GRID1: variants seen among roughly 807,000 people sequenced by gnomAD.
GRID1 encodes the protein glutamate ionotropic receptor delta type subunit 1, also known as glutamate receptor ionotropic, delta-1.
Under a neutral mutation model 98.0 loss-of-function variants are expected in GRID1, and 28 were observed. The observed-to-expected ratio is 0.29, with a 90% confidence interval of 0.21 to 0.39. The LOEUF (loss-of-function observed/expected upper bound fraction) is 0.39, where lower values mean the gene tolerates loss of function less well. Among genes scored for constraint, GRID1 ranks in the 10% least tolerant of loss-of-function variants. The pLI is 1.00. For missense variants in GRID1, 1,111 were observed against 1,340.5 expected, an observed-to-expected ratio of 0.83 and a Z score of 2.67; for synonymous variants, 553 against 538.5, an observed-to-expected ratio of 1.03 and a Z score of -0.37.
intron 4 of GRID1, among the ~76,000 whole-genome samples, chr10:86,107,886 G>C (rs1844415762): frequency 6.6e-6 from 1 of 152,094 alleles, no homozygotes; most frequent in Non-Finnish European, 1.5e-5. Flanking sequence ...CTCCCTTCTT[G>C]CTCCCCCATC....
At chr10:86,324,084 C>A (rs1848009221) in intron 2 of GRID1, among the ~76,000 whole-genome samples, 1 of 151,950 alleles carries the variant, frequency 6.6e-6, no homozygotes, top group African/African-American at 2.4e-5. Flanking sequence ...GAGGCTTAGG[C>A]AGGAGAATCG....
chr10:85,923,334 T>A (rs940417496), intron 4 of GRID1, among the ~76,000 whole-genome samples: 1 of 152,166 alleles, frequency 6.6e-6, no homozygotes, highest in African/African-American at 2.4e-5. Context: ...AGGAAAGCCA[T>A]CTGAGAAAGC....
At chr10:86,286,684 G>A (rs1180106053) in intron 2 of GRID1, among the ~76,000 whole-genome samples, 1 of 152,244 alleles carries the variant, frequency 6.6e-6, no homozygotes, top group African/African-American at 2.4e-5. Context: ...GCCCTGCCAT[G>A]TGACCGTGAG....
chr10:85,829,654 C>G (rs547264731), intron 8 of GRID1, among the ~76,000 whole-genome samples: 1 of 152,106 alleles, frequency 6.6e-6, no homozygotes, highest in East Asian at 1.9e-4. Flanking sequence ...TATACAACAA[C>G]AATGTCCAAG....
chr10:85,840,965 C>A (rs1842955868), intron 8 of GRID1, among the ~76,000 whole-genome samples: 1 of 152,162 alleles, frequency 6.6e-6, no homozygotes, highest in African/African-American at 2.4e-5. Context: ...TATTGAGATT[C>A]TTCACAGAAC....
intron 12 of GRID1, among the ~76,000 whole-genome samples, chr10:85,652,101 ACT>A (rs1843278948): frequency 6.6e-6 from 1 of 152,122 alleles, no homozygotes; most frequent in Non-Finnish European, 1.5e-5. Context: ...CTCTGAGAAC[ACT>A]GTCCTCTAAT....
At chr10:85,688,604 A>G (rs1202071782) in intron 12 of GRID1, among the ~76,000 whole-genome samples, 2 of 152,098 alleles carry the variant, frequency 1.3e-5, no homozygotes, top group Non-Finnish European at 2.9e-5. Flanking sequence ...CAAAGAGGAG[A>G]CTTTGAGGCA....
intron 5 of GRID1, among the ~76,000 whole-genome samples, chr10:85,896,205 G>A (rs1841292424): frequency 6.6e-6 from 1 of 152,106 alleles, no homozygotes. Flanking sequence ...TAGTTAACAG[G>A]AAGTTCTGTC....
At chr10:86,295,382 C>T (rs1286556045) in intron 2 of GRID1, among the ~76,000 whole-genome samples, 1 of 152,142 alleles carries the variant, frequency 6.6e-6, no homozygotes, top group Non-Finnish European at 1.5e-5. Context: ...AAGGAAAGGG[C>T]GTCTCAGACA....
At chr10:85,958,686 G>C (rs1444253041) in intron 4 of GRID1, among the ~76,000 whole-genome samples, 1 of 152,172 alleles carries the variant, frequency 6.6e-6, no homozygotes, top group Non-Finnish European at 1.5e-5. Flanking sequence ...GTCCAGGCGT[G>C]GTGGCTCACA....
intron 4 of GRID1, among the ~76,000 whole-genome samples, chr10:86,054,150 T>C (rs1046439221): frequency 5.3e-5 from 8 of 151,878 alleles, no homozygotes; most frequent in South Asian, 2.1e-4. Flanking sequence ...CCAGAAGTGT[T>C]ATCATCCCAG....
At chr10:85,910,798 T>A (rs1194269797) in intron 5 of GRID1, among the ~76,000 whole-genome samples, 1 of 152,188 alleles carries the variant, frequency 6.6e-6, no homozygotes, top group African/African-American at 2.4e-5. Flanking sequence ...TGTGCATCAA[T>A]TCCCCAACAC....
intron 8 of GRID1, among the ~76,000 whole-genome samples, chr10:85,795,891 A>T (rs1308615817): frequency 6.6e-6 from 1 of 152,366 alleles, no homozygotes; most frequent in East Asian, 1.9e-4. Flanking sequence ...ACTGTTATGA[A>T]GAACTGAAGG....
intron 8 of GRID1, among the ~76,000 whole-genome samples, chr10:85,782,379 A>G (rs1842389406): frequency 6.6e-6 from 1 of 152,256 alleles, no homozygotes; most frequent in African/African-American, 2.4e-5. Context: ...GCTTGAAAAC[A>G]GAATTTCTTC....
intron 8 of GRID1, among the ~76,000 whole-genome samples, chr10:85,798,681 C>A (rs1842547405): frequency 6.6e-6 from 1 of 151,860 alleles, no homozygotes; most frequent in Non-Finnish European, 1.5e-5. Flanking sequence ...ATATTAAGAT[C>A]TCTTGTTCAT....
intron 12 of GRID1, among the ~76,000 whole-genome samples, chr10:85,664,651 G>A (rs1462106408): frequency 2.0e-5 from 3 of 152,142 alleles, no homozygotes; most frequent in Non-Finnish European, 4.4e-5. Context: ...CCTTGGAAGT[G>A]GCAGTGGCAG....
chr10:85,852,407 G>A (rs1441625594), intron 8 of GRID1, among the ~76,000 whole-genome samples: 1 of 152,124 alleles, frequency 6.6e-6, no homozygotes, highest in Non-Finnish European at 1.5e-5. Context: ...AGGAAGTGGA[G>A]GACATAGTGC....
At chr10:85,611,115 T>G (rs2132511300) in intron 15 of GRID1, among the ~76,000 whole-genome samples, 1 of 152,346 alleles carries the variant, frequency 6.6e-6, no homozygotes, top group Non-Finnish European at 1.5e-5. Flanking sequence ...GGTTATCCCT[T>G]GGTCTCCTGG....
At chr10:85,937,277 C>T (rs1003021411) in intron 4 of GRID1, among the ~76,000 whole-genome samples, 1 of 152,224 alleles carries the variant, frequency 6.6e-6, no homozygotes, top group African/African-American at 2.4e-5. Flanking sequence ...GTGAAAACTT[C>T]CCAGTCTAAC....
Sources: allele counts gnomAD v4.1 joint callset (sites outside exome capture counted in the v4.1 genomes callset), GRCh38; gene constraint gnomAD v4.1.1; transcripts MANE v1.5; gene names NCBI Gene and HGNC (gene_info 2026-07-23, HGNC 2026-07-21).